SLC2A9: variants seen among roughly 807,000 people sequenced by gnomAD.
The protein encoded by SLC2A9 is solute carrier family 2, facilitated glucose transporter member 9.
Under a neutral mutation model 50.6 loss-of-function variants are expected in SLC2A9, and 39 were observed. That is an observed-to-expected ratio of 0.77 (90% CI 0.60 to 1.01). SLC2A9 has a LOEUF of 1.01. Ranked by LOEUF, SLC2A9 falls within the 50% of genes least tolerant of loss-of-function variation. The pLI is 0.00. For missense variants in SLC2A9, 686 were observed against 677.6 expected (o/e 1.01, Z -0.14); for synonymous variants, 324 against 276.9 (o/e 1.17, Z -1.69).
At chr4:9,955,997 C>G (rs1282818362) in intron 5 of SLC2A9, among the ~76,000 whole-genome samples, 1 of 150,716 alleles carries the variant, frequency 6.6e-6, no homozygotes, top group East Asian at 2.0e-4. Flanking sequence ...CCTGCTCCAG[C>G]CTCCCGAGTA....
At chr4:9,928,815 ACTTT>A (rs1308735798) in intron 6 of SLC2A9, among the ~76,000 whole-genome samples, 1 of 152,200 alleles carries the variant, frequency 6.6e-6, no homozygotes, top group Non-Finnish European at 1.5e-5. Flanking sequence ...AGTTTAAAAA[ACTTT>A]CTGTTTAAAC....
In SLC2A9 at chr4:9,920,400, GAGCTGGT is replaced by G; in HGVS notation, c.980_986del (p.Tyr327SerfsTer30). On this transcript the variant is annotated frameshift_variant, in exon 7 of 12. Coordinates refer to ENST00000264784, the MANE Select transcript of SLC2A9 (RefSeq NM_020041.3). LOFTEE classifies it high-confidence loss of function. ...CAGGACTCACTGCATTGAGGCCACAGAGCTGGTAGCAGGCCATGGTGACAATCACGGT... is the reference window on the plus strand; with the variant it reads ...CAGGACTCACTGCATTGAGGCCACAGAGCAGGCCATGGTGACAATCACGGT... The G allele has an allele frequency of 6.2e-7, 1 of 1,614,158 alleles. No individual in the cohort carries two copies.
rs916497440 is a variant in SLC2A9 at position 9,890,504 on chromosome 4, G to A, written c.1215+106C>T. 1.5e-5 allele frequency: 16 copies of A among 1,053,622 alleles called. No individual in the cohort carries two copies. The South Asian group carries it at 2.0e-4, about 13-fold the overall frequency. The allele number at this position is 1,053,622 out of a possible 1,614,324, so 65.3% of individuals were successfully genotyped here. A position where few individuals can be genotyped will look rare whatever the true frequency, so the allele number is the denominator to read the frequency against. On this transcript the variant is annotated intron_variant, in intron 9 of 11. Coordinates refer to ENST00000264784, the MANE Select transcript of SLC2A9 (RefSeq NM_020041.3). Reference sequence around the variant, plus strand: ...CCCCGGGGAGAGCTTTATCACAAGTGTTTTCTGTAGAAGTATGAACCCACA... The same window carrying A: ...CCCCGGGGAGAGCTTTATCACAAGTATTTTCTGTAGAAGTATGAACCCACA...
chr4:9,949,682 T>C (rs1043489453), intron 5 of SLC2A9, among the ~76,000 whole-genome samples: 2 of 152,172 alleles, frequency 1.3e-5, no homozygotes, highest in Admixed American at 6.5e-5. Flanking sequence ...CCTTCCCTCA[T>C]GGTGGCAGCT....
intron 6 of SLC2A9, among the ~76,000 whole-genome samples, chr4:9,935,747 C>A (rs1746947623): frequency 6.6e-6 from 1 of 152,156 alleles, no homozygotes; most frequent in South Asian, 2.1e-4. Context: ...ACATATGCTC[C>A]CAGCACCGTC....
rs376980125 is a variant in SLC2A9, at chr4:9,941,898, G to C, written c.814+15C>G. 9.9e-6 allele frequency: 16 copies of C among 1,613,798 alleles called. No homozygotes were observed. The African/African-American group carries it at 2.1e-4, about 22-fold the overall frequency. On this transcript the variant is annotated intron_variant, in intron 6 of 11. Transcript: ENST00000264784. Reference sequence around the variant, plus strand: ...GCAGGGGCTGGAGCTGTGCAGGAAAGGGAAGGGCCCTCACCTTTCACAGCT... The same window carrying C: ...GCAGGGGCTGGAGCTGTGCAGGAAACGGAAGGGCCCTCACCTTTCACAGCT...
At chr4:9,799,134 T>C (rs1308988573) in exon 4 of SLC2A9, 2 of 152,134 alleles carry the variant, frequency 1.3e-5, no homozygotes, top group East Asian at 3.9e-4. Context: ...TTCTTGTTCC[T>C]CTCTACAGAC....
intron 5 of SLC2A9, among the ~76,000 whole-genome samples, chr4:9,950,332 C>T (rs4235347): frequency 0.48 from 73,362 of 152,096 alleles, 19,082 homozygotes; most frequent in African/African-American, 0.67. Flanking sequence ...ACTCACCACA[C>T]AAAAAGTGGT....
downstream of SLC2A9, among the ~76,000 whole-genome samples, chr4:9,797,978 T>C: frequency 6.6e-6 from 1 of 152,168 alleles, no homozygotes; most frequent in African/African-American, 2.4e-5. Flanking sequence ...CAGCAGGGGC[T>C]AGATGAAAGT....
chr4:9,787,107 C>CTTCT (rs1241817288), intron 3 of SLC2A9, among the ~76,000 whole-genome samples: 1 of 152,220 alleles, frequency 6.6e-6, no homozygotes, highest in Non-Finnish European at 1.5e-5. Context: ...TGAGCTCCAG[C>CTTCT]TTCTTTATCT....
At chr4:9,901,798 C>T (rs1316380769) in intron 8 of SLC2A9, among the ~76,000 whole-genome samples, 2 of 152,168 alleles carry the variant, frequency 1.3e-5, no homozygotes, top group Non-Finnish European at 2.9e-5. Flanking sequence ...CCCATTGGCT[C>T]AAATCAACAA....
At chr4:9,774,285 ATC>A (rs1717229828) in intron 1 of SLC2A9, among the ~76,000 whole-genome samples, 1 of 152,096 alleles carries the variant, frequency 6.6e-6, no homozygotes, top group South Asian at 2.1e-4. Context: ...GAGCCACCAC[ATC>A]TGGCCAAAAA....
In SLC2A9 at chr4:9,980,574, C is replaced by T. The variant is rs1166186837; in HGVS notation, c.681+18G>A. 6.2e-7 allele frequency: 1 copy of T among 1,613,966 alleles called. No individual in the cohort carries two copies. ...ATGAGATGAGAGCAGATGCGGTTGACCAGGGAGCCACACTCACCTTTCCCA... is the reference window on the plus strand; with the variant it reads ...ATGAGATGAGAGCAGATGCGGTTGATCAGGGAGCCACACTCACCTTTCCCA... On this transcript the variant is annotated intron_variant, in intron 5 of 11. Transcript: ENST00000264784.
At chr4:10,017,672 C>G (rs1166509599) in intron 2 of SLC2A9, among the ~76,000 whole-genome samples, 1 of 152,234 alleles carries the variant, frequency 6.6e-6, no homozygotes, top group Non-Finnish European at 1.5e-5. Context: ...GGATGCTGGA[C>G]TCCCAAGCAA....
intron 7 of SLC2A9, among the ~76,000 whole-genome samples, chr4:9,909,829 C>T (rs774821134): frequency 1.3e-5 from 2 of 152,212 alleles, no homozygotes; most frequent in Admixed American, 6.5e-5. Context: ...ACCTTATGAA[C>T]ATTTATGAAC....
At chr4:9,862,329 T>C (rs1731785000) in intron 10 of SLC2A9, among the ~76,000 whole-genome samples, 1 of 152,080 alleles carries the variant, frequency 6.6e-6, no homozygotes, top group East Asian at 1.9e-4. Flanking sequence ...CACTAGAGAC[T>C]CAACGTTCTT....
intron 10 of SLC2A9, among the ~76,000 whole-genome samples, chr4:9,840,624 T>G (rs987467656): frequency 6.6e-6 from 1 of 152,212 alleles, no homozygotes; most frequent in Non-Finnish European, 1.5e-5. Flanking sequence ...TGTTAAATGT[T>G]CTGTGAAGAA....
intron 5 of SLC2A9, among the ~76,000 whole-genome samples, chr4:9,948,215 C>T (rs13151331): frequency 0.065 from 9,852 of 152,190 alleles, 815 homozygotes; most frequent in East Asian, 0.46. Flanking sequence ...GCCCTCCTCT[C>T]ATTCATCTCA....
At chr4:10,034,364 A>G (rs1764031080) in intron 1 of SLC2A9, 1 of 152,282 alleles carries the variant, frequency 6.6e-6, no homozygotes, top group Admixed American at 6.5e-5. Flanking sequence ...GTCCTGGCAC[A>G]CCTGCAGTTT....
Sources: allele counts gnomAD v4.1 joint callset (sites outside exome capture counted in the v4.1 genomes callset), GRCh38; gene constraint gnomAD v4.1.1; transcripts MANE v1.5; gene names NCBI Gene and HGNC (gene_info 2026-07-23, HGNC 2026-07-21).